Variants in TBC1D31 observed in about 807,000 individuals in gnomAD.
TBC1D31 encodes the protein WD repeat domain 67.
Under a neutral mutation model 132.9 loss-of-function variants are expected in TBC1D31, and 99 were observed. That is an observed-to-expected ratio of 0.74 (90% CI 0.63 to 0.88). The LOEUF (loss-of-function observed/expected upper bound fraction) is 0.88. Ranked by LOEUF, TBC1D31 falls within the 40% of genes least tolerant of loss-of-function variation. The probability of loss-of-function intolerance (pLI) is 0.00; values close to 1 mark genes in which losing one functional copy is unlikely to be tolerated. For missense variants in TBC1D31, 1,134 were observed against 1,256.6 expected, an observed-to-expected ratio of 0.90 and a Z score of 1.48; for synonymous variants, 385 against 419.4, an observed-to-expected ratio of 0.92 and a Z score of 1.00.
At position 123,100,511 on chromosome 8, in the gene TBC1D31, G is replaced by A. The variant is rs1817292121; in HGVS notation, c.832-296G>A. On this transcript the variant is annotated intron_variant, in intron 6 of 21. Transcript: ENST00000287380. Reference sequence around the variant, plus strand: ...GAATTGCTTGAACCCAGGGGGCGGAGGTTGCAGTGAGTGGAGATCGTGCCA... The same window carrying A: ...GAATTGCTTGAACCCAGGGGGCGGAAGTTGCAGTGAGTGGAGATCGTGCCA... Among the ~76,000 whole-genome samples, 3 of 151,942 alleles carry A rather than the reference G, an allele frequency of 2.0e-5. No homozygotes were observed. In the South Asian group the frequency reaches 6.2e-4, roughly 32 times the overall value.
intron 1 of TBC1D31, among the ~76,000 whole-genome samples, chr8:123,075,511 G>A (rs940224042): frequency 2.0e-4 from 30 of 152,128 alleles, no homozygotes; most frequent in Non-Finnish European, 7.3e-5. Flanking sequence ...AGACCAGCCT[G>A]GCCAACATGG....
At chr8:123,095,254 T>C (rs1321696508) in intron 5 of TBC1D31, among the ~76,000 whole-genome samples, 1 of 152,232 alleles carries the variant, frequency 6.6e-6, no homozygotes, top group Non-Finnish European at 1.5e-5. Context: ...CAGTTTTCTT[T>C]TGTGACGTCA....
chr8:123,073,361 C>G (rs1212553262), intron 1 of TBC1D31: 1 of 456,344 alleles, frequency 2.2e-6, no homozygotes, highest in Non-Finnish European at 4.4e-6. Flanking sequence ...GTGCCAAGCA[C>G]GCCTCTAAGC....
chr8:123,162,412 G>A, the TBC1D31 span, among the ~76,000 whole-genome samples: 41 of 152,190 alleles, frequency 2.7e-4, no homozygotes, highest in African/African-American at 8.9e-4. Context: ...TTCCCTTGCG[G>A]CAAATGGACC....
the TBC1D31 span, among the ~76,000 whole-genome samples, chr8:123,160,927 C>A: frequency 2.6e-5 from 4 of 152,328 alleles, no homozygotes; most frequent in Non-Finnish European, 5.9e-5. Flanking sequence ...CCCGCTCCTG[C>A]AGAATCCCGG....
At chr8:123,107,323 G>A (rs147276994) in intron 8 of TBC1D31, among the ~76,000 whole-genome samples, 11 of 152,230 alleles carry the variant, frequency 7.2e-5, no homozygotes, top group East Asian at 1.9e-4. Context: ...GAGCATTACC[G>A]TAGCTTTGGA....
intron 6 of TBC1D31, among the ~76,000 whole-genome samples, chr8:123,098,681 C>G (rs548982649): frequency 4.6e-5 from 7 of 152,154 alleles, no homozygotes; most frequent in Non-Finnish European, 8.8e-5. Flanking sequence ...TTTTTTAAAC[C>G]AGTCTCCTAT....
rs1162252678 is a variant in TBC1D31 at position 123,150,024 on chromosome 8, C to CT, written c.2975-8dup. Reference sequence around the variant, plus strand: ...CCCAAACATCATCTTAATCTCCTCACTTTTATAACAGAAGAACCCAGGTTC... The same window carrying CT: ...CCCAAACATCATCTTAATCTCCTCACTTTTTATAACAGAAGAACCCAGGTTC... On this transcript the variant is annotated splice_polypyrimidine_tract_variant and intron_variant, in intron 20 of 21. Transcript: ENST00000287380. 1.7e-5 allele frequency: 27 copies of CT among 1,608,574 alleles called. No homozygotes were observed. Among genetic ancestry groups the CT allele is most frequent in the Non-Finnish European group, 2.3e-5 (27 of 1,175,094 alleles).
At chr8:123,155,206 C>T (rs1280535819), downstream of TBC1D31, among the ~76,000 whole-genome samples, 1 of 152,154 alleles carries the variant, frequency 6.6e-6, no homozygotes, top group Non-Finnish European at 1.5e-5. The surrounding 1 kb of genome is among the most constrained non-coding windows in gnomAD (Gnocchi z 4.1). Context: ...GGCCTCCTCA[C>T]TCACCTCCCA....
chr8:123,080,529 C>CTTTTT (rs57694076), intron 2 of TBC1D31, among the ~76,000 whole-genome samples: 2 of 76,318 alleles, frequency 2.6e-5, no homozygotes, highest in Non-Finnish European at 2.3e-5. Flanking sequence ...TTCTTTTATT[C>CTTTTT]TTTTTTTTTT....
intron 2 of TBC1D31, among the ~76,000 whole-genome samples, chr8:123,077,644 C>T (rs112125299): frequency 3.3e-5 from 5 of 151,924 alleles, no homozygotes; most frequent in African/African-American, 1.2e-4. Context: ...CTACCGCACC[C>T]AGCCCATAGT....
intron 14 of TBC1D31, 71 bp from the exon 15 acceptor site, chr8:123,128,995 G>C (rs2130803113): frequency 2.0e-6 from 2 of 1,014,476 alleles, no homozygotes; most frequent in South Asian, 4.5e-5. Flanking sequence ...ACATTAATCG[G>C]TATACATTTT....
intron 20 of TBC1D31, among the ~76,000 whole-genome samples, chr8:123,149,265 G>T (rs1296441348): frequency 1.3e-5 from 2 of 152,104 alleles, no homozygotes; most frequent in African/African-American, 4.8e-5. Flanking sequence ...TTGGTGATTA[G>T]TCACATTACT....
chr8:123,142,850 A>G (rs375510123), intron 19 of TBC1D31, among the ~76,000 whole-genome samples: 1 of 152,358 alleles, frequency 6.6e-6, no homozygotes, highest in South Asian at 2.1e-4. Context: ...ATTGAATAAT[A>G]TTAGTACTTT....
chr8:123,134,442 AC>A, intron 17 of TBC1D31, among the ~76,000 whole-genome samples: 1 of 151,986 alleles, frequency 6.6e-6, no homozygotes, highest in Non-Finnish European at 1.5e-5. Flanking sequence ...CAGGAAGATC[AC>A]TTGAGCCCTG....
chr8:123,082,675 G>A, intron 2 of TBC1D31, 27 bp from the exon 3 acceptor site: 1 of 1,455,460 alleles, frequency 6.9e-7, no homozygotes, highest in South Asian at 1.2e-5. Context: ...AAGAATTTGT[G>A]ATACTAATGC....
chr8:123,110,485 T>C (rs73337892), intron 10 of TBC1D31, among the ~76,000 whole-genome samples: 25,459 of 152,124 alleles, frequency 0.17, 2,140 homozygotes, highest in Middle Eastern at 0.25. Flanking sequence ...AAGCCCAGGT[T>C]CCAGAGCCGA....
At chr8:123,163,482 A>G in the TBC1D31 span, among the ~76,000 whole-genome samples, 1 of 146,872 alleles carries the variant, frequency 6.8e-6, no homozygotes. Context: ...CTCCCACCTC[A>G]GCCTCCCAAG....
At chr8:123,101,961 T>C (rs906942845) in intron 7 of TBC1D31, among the ~76,000 whole-genome samples, 3 of 152,220 alleles carry the variant, frequency 2.0e-5, no homozygotes, top group Non-Finnish European at 4.4e-5. Flanking sequence ...CAGACTCTTC[T>C]GCCTGGCTCT....
Sources: allele counts gnomAD v4.1 joint callset (sites outside exome capture counted in the v4.1 genomes callset), GRCh38; gene constraint gnomAD v4.1.1; non-coding constraint Gnocchi (gnomAD v3.1); transcripts MANE v1.5; gene names NCBI Gene and HGNC (gene_info 2026-07-23, HGNC 2026-07-21).